Variants in SETD2 observed in about 807,000 individuals in gnomAD.
The protein encoded by SETD2 is SET domain containing 2, histone lysine methyltransferase, also known as histone-lysine N-methyltransferase SETD2.
In SETD2, 31 loss-of-function variants were observed where a neutral mutation model predicts 242.1. The ratio of observed to expected loss-of-function variants is 0.13; its 90% CI spans 0.10 to 0.17. SETD2 has a LOEUF of 0.17. SETD2 is among the 10% of genes least tolerant of loss of function. SETD2 has a pLI of 1.00. For synonymous variants in SETD2, 1,006 were observed against 1,066.5 expected, an observed-to-expected ratio of 0.94 and a Z score of 1.11; for missense variants, 2,481 against 3,046.3, an observed-to-expected ratio of 0.81 and a Z score of 4.37.
chr3:47,051,196 C>T (rs978160462), intron 15 of SETD2, among the ~76,000 whole-genome samples: 3 of 152,016 alleles, frequency 2.0e-5, no homozygotes, highest in African/African-American at 7.2e-5. Context: ...CCTTGACCTC[C>T]TGGGCTCAGA....
chr3:47,086,141 C>T (rs1436811220), intron 11 of SETD2, 54 bp downstream of exon 11: 14 of 1,593,090 alleles, frequency 8.8e-6, no homozygotes, highest in Non-Finnish European at 1.1e-5. Flanking sequence ...TATCCACAAC[C>T]GAGGCAATCA....
chr3:47,066,857 G>A (rs960644277), intron 13 of SETD2: 6 of 409,040 alleles, frequency 1.5e-5, no homozygotes, highest in African/African-American at 4.1e-5. Context: ...CAAGGAAAGC[G>A]ACAACAAAAC....
At chr3:47,105,960 A>G (rs143582068) in intron 6 of SETD2, 37 bp downstream of exon 6, 1 of 1,601,326 alleles carries the variant, frequency 6.2e-7, no homozygotes, top group African/African-American at 1.3e-5. Context: ...CAAACCTAAC[A>G]GATCTGTTTC....
At chr3:47,128,999 C>T (rs1027325777) in intron 1 of SETD2, among the ~76,000 whole-genome samples, 1 of 152,046 alleles carries the variant, frequency 6.6e-6, no homozygotes, top group African/African-American at 2.4e-5. Context: ...CTTTCTTAAG[C>T]CTCAGCAGTT....
At chr3:47,047,911 G>C (rs1011858864) in intron 15 of SETD2, among the ~76,000 whole-genome samples, 3 of 152,088 alleles carry the variant, frequency 2.0e-5, no homozygotes, top group Non-Finnish European at 4.4e-5. Context: ...AAGTGTATGA[G>C]GTACTTACAC....
chr3:47,112,574 G>A (rs1284677189), intron 5 of SETD2, among the ~76,000 whole-genome samples: 3 of 151,224 alleles, frequency 2.0e-5, no homozygotes, highest in South Asian at 2.1e-4. Context: ...GAACCACCAC[G>A]TCCAGCGTAA....
At chr3:47,111,097 A>AAAAAAAC (rs2042631999) in intron 5 of SETD2, among the ~76,000 whole-genome samples, 1 of 150,336 alleles carries the variant, frequency 6.7e-6, no homozygotes, top group Non-Finnish European at 1.5e-5. Context: ...AAAAAAAAAA[A>AAAAAAAC]AAAAAAAAAA....
At chr3:47,157,532 C>A (rs1263568042) in intron 1 of SETD2, 1 of 456,034 alleles carries the variant, frequency 2.2e-6, no homozygotes, top group Non-Finnish European at 4.4e-6. Flanking sequence ...CATGGCGCCT[C>A]ATAAGTACCG....
In SETD2 at chr3:47,046,367, C is replaced by G. The variant is rs193127218; in HGVS notation, c.7098+120G>C. ...AAAAATAAAATAAAATAAAATAAAA[C>G]AAAGAACACGTGAAAAAAAAACCCA... is the stretch of plus-strand genomic sequence containing the variant. On this transcript the variant is annotated intron_variant, in intron 16 of 20. Coordinates refer to ENST00000409792, the MANE Select transcript of SETD2 (RefSeq NM_014159.7). 1.4e-3 allele frequency: 1,049 copies of G among 750,566 alleles called. 6 individuals carry two copies. The highest frequency in any genetic ancestry group is 1.8e-3 in the Non-Finnish European group (935 of 519,050). The allele number at this position is 750,566 out of a possible 1,614,324, so 46.5% of individuals were successfully genotyped here.
intron 12 of SETD2, among the ~76,000 whole-genome samples, chr3:47,082,724 T>C (rs140499307): frequency 6.6e-6 from 1 of 152,212 alleles, no homozygotes; most frequent in East Asian, 1.9e-4. Context: ...TAAAGAAGGG[T>C]CTCAACACAG....
At position 47,122,616 on chromosome 3, in the gene SETD2, T is replaced by C; in HGVS notation, c.2020A>G (p.Asn674Asp). The C allele has an allele frequency of 6.2e-7, 1 of 1,614,036 alleles. No individual in the cohort carries two copies. Among genetic ancestry groups the C allele is most frequent in the Non-Finnish European group, 8.5e-7 (1 of 1,179,940 alleles). The stretch of plus-strand genomic sequence containing the variant: ...TCAGATTCTGCCCCAGGAGATCCAT[T>C]TATATTTAATTCTATGGGACAAAAA... ...RSFCPIELNI[N>D]GSPGAESDLA... The change falls in exon 3 of 21, where the codon AAT (asparagine) becomes GAT (aspartate). Residue 674 changes from asparagine (N) to aspartate (D), a missense_variant. Asn to Asp is a conservative substitution (Grantham distance 23). This residue lies in a region of SETD2 where 1,300 missense variants were observed against 1,259.2 expected (regional missense o/e 1.03). Coordinates refer to ENST00000409792, the MANE Select transcript of SETD2 (RefSeq NM_014159.7).
intron 1 of SETD2, among the ~76,000 whole-genome samples, chr3:47,136,332 T>C (rs910354335): frequency 6.6e-6 from 1 of 152,154 alleles, no homozygotes; most frequent in Non-Finnish European, 1.5e-5. Context: ...CTGTCCCTCA[T>C]ACATTCCAAG....
intron 15 of SETD2, 70 bp from the exon 16 acceptor site, chr3:47,046,691 T>A: frequency 1.4e-6 from 2 of 1,427,548 alleles, no homozygotes; most frequent in South Asian, 1.4e-5. Context: ...GACTTCCAAG[T>A]TGGCACAATC....
Position 47,101,565 on chromosome 3 carries a change from T to C in SETD2, c.4918-10A>G. On this transcript the variant is annotated splice_polypyrimidine_tract_variant and intron_variant, in intron 7 of 20. Coordinates refer to ENST00000409792, the MANE Select transcript of SETD2 (RefSeq NM_014159.7). Reference sequence around the variant, plus strand: ...GTCCGTTCACAGTCCACTGAGATGATGTTTGAAAACAAAAGAAATTAGTAA... The same window carrying C: ...GTCCGTTCACAGTCCACTGAGATGACGTTTGAAAACAAAAGAAATTAGTAA... 10 of 1,565,710 alleles carry C rather than the reference T, an allele frequency of 6.4e-6. No individual in the cohort carries two copies. The highest frequency in any genetic ancestry group is 1.4e-5 in the African/African-American group (1 of 73,950).
chr3:47,087,536 G>A (rs1226299593), intron 10 of SETD2, among the ~76,000 whole-genome samples: 1 of 152,196 alleles, frequency 6.6e-6, no homozygotes, highest in African/African-American at 2.4e-5. Context: ...CTCCTGTGTG[G>A]CCCCGTTCCT....
At chr3:47,134,829 G>T (rs918828123) in intron 1 of SETD2, among the ~76,000 whole-genome samples, 2 of 152,026 alleles carry the variant, frequency 1.3e-5, no homozygotes, top group Non-Finnish European at 2.9e-5. Flanking sequence ...TCACCATGTC[G>T]GCCAGGCTGG....
Position 47,113,964 on chromosome 3 carries a change from G to A in SETD2, c.4627C>T (p.Arg1543Trp). The A allele has an allele frequency of 6.2e-7, 1 of 1,612,236 alleles. No homozygotes were observed. The highest frequency in any genetic ancestry group is 8.5e-7 in the Non-Finnish European group (1 of 1,179,032). Residue 1543 changes from arginine (R) to tryptophan (W), a missense_variant, in exon 5 of 21, where the codon CGG becomes TGG. Transcript: ENST00000409792. ...TCTGCATGCTGTTTTCTCTGAAACC[G>A]TCTATTGGAACAATAATCCCCATTT... ...CPNGDYCSNR[R>W]FQRKQHADVE...
chr3:47,108,854 T>A (rs1475604689), intron 5 of SETD2, among the ~76,000 whole-genome samples: 2 of 152,148 alleles, frequency 1.3e-5, no homozygotes, highest in Non-Finnish European at 2.9e-5. Context: ...ACTCTAAGAT[T>A]TAGGTTTCTT....
intron 1 of SETD2, among the ~76,000 whole-genome samples, chr3:47,154,977 G>GAGCA (rs2044094125): frequency 6.6e-6 from 1 of 151,178 alleles, no homozygotes; most frequent in Non-Finnish European, 1.5e-5. Flanking sequence ...CTGGGCGACA[G>GAGCA]AGCAAGACTC....
Sources: allele counts gnomAD v4.1 joint callset (sites outside exome capture counted in the v4.1 genomes callset), GRCh38; gene constraint gnomAD v4.1.1; regional missense constraint gnomAD v4.1.1; transcripts MANE v1.5; gene names NCBI Gene and HGNC (gene_info 2026-07-23, HGNC 2026-07-21).